Variants in DGKI observed in about 807,000 individuals in gnomAD.
The protein encoded by DGKI is DAG kinase iota.
A neutral mutation model predicts 147.5 loss-of-function variants in DGKI; 55 were observed. The observed-to-expected ratio is 0.37, with a 90% CI of 0.30 to 0.47. The LOEUF is 0.47. Among genes scored for constraint, DGKI ranks in the 20% least tolerant of loss-of-function variants. The pLI is 1.00. For synonymous variants in DGKI, 469 were observed against 477.1 expected, an observed-to-expected ratio of 0.98 and a Z score of 0.22; for missense variants, 1,007 against 1,323.8, an observed-to-expected ratio of 0.76 and a Z score of 3.71.
chr7:137,685,364 C>T (rs937295388), intron 2 of DGKI, among the ~76,000 whole-genome samples: 2 of 152,080 alleles, frequency 1.3e-5, no homozygotes, highest in Non-Finnish European at 2.9e-5. Context: ...TTGTTTTAGG[C>T]AGTGTAATGG....
chr7:137,609,146 C>CACCACCA, intron 9 of DGKI, 82 bp from the exon 10 acceptor site: 2 of 1,036,750 alleles, frequency 1.9e-6, no homozygotes, highest in African/African-American at 3.5e-5. Flanking sequence ...GGAAAACCAC[C>CACCACCA]CAATAATACA....
At chr7:137,472,559 G>C (rs1275703833) in intron 23 of DGKI, among the ~76,000 whole-genome samples, 3 of 148,700 alleles carry the variant, frequency 2.0e-5, no homozygotes, top group Non-Finnish European at 4.5e-5. Context: ...GTAAAATCTT[G>C]ACATGTGCTT....
At chr7:137,399,279 T>C (rs1369575562) in intron 30 of DGKI, among the ~76,000 whole-genome samples, 2 of 152,198 alleles carry the variant, frequency 1.3e-5, no homozygotes, top group East Asian at 3.9e-4. Flanking sequence ...CTATATTTGT[T>C]GAATATAAGA....
At position 137,572,765 on chromosome 7, in the gene DGKI, C is replaced by T; in HGVS notation, c.1835G>A (p.Arg612Lys). ...AGGAAACAATACAAACAGAGCCTAC[C>T]TGGGTATATTTAAAAATACTATACA... ...FQCIVFLNIP[R>K]YCAGTMPWGN... is the part of the protein sequence containing the mutation. The change falls in exon 18 of 33, where the codon AGA becomes AAA. Residue 612 changes from arginine (R) to lysine (K), a missense_variant and splice_region_variant. By Grantham distance (26) the Arg-to-Lys change is conservative (BLOSUM62 2). This residue lies in a region of DGKI where 224 missense variants were observed against 382.7 expected (regional missense o/e 0.59). Transcript: ENST00000614521. The T allele has an allele frequency of 1.3e-6, 2 of 1,599,850 alleles. No individual in the cohort carries two copies. Among genetic ancestry groups the T allele is most frequent in the Non-Finnish European group, 1.7e-6 (2 of 1,171,722 alleles).
chr7:137,803,603 G>A (rs941941718), intron 1 of DGKI, among the ~76,000 whole-genome samples: 10 of 152,068 alleles, frequency 6.6e-5, no homozygotes, highest in Non-Finnish European at 8.8e-5. Context: ...GACTGGACAC[G>A]GCCTTAACAT....
rs544064019 is a variant in DGKI, at chr7:137,498,706, T to TG, written c.2249-11018dup. On this transcript the variant is annotated intron_variant, in intron 21 of 32. Transcript: ENST00000614521. ...GTGCAAGAGTTGAATGAAGGACCCATGATCTGTCAAGAAGCTACTGGGTTA... is the reference window on the plus strand; with the variant it reads ...GTGCAAGAGTTGAATGAAGGACCCATGGATCTGTCAAGAAGCTACTGGGTTA... 5.3e-5 allele frequency among the ~76,000 whole-genome samples: 8 copies of TG among 152,284 alleles called. No homozygotes were observed. The East Asian group carries it at 9.7e-4, about 18-fold the overall frequency.
At position 137,609,058 on chromosome 7, in the gene DGKI, T is replaced by C; in HGVS notation, c.1075A>G (p.Asn359Asp). ...TTTATCACAAAAGGACGACCTTTGT[T>C]TTCCTGCTGAAAGAAGCAATCAGCA... ...KASKRGMEQE[N>D]KGRPFVIKPI... The change falls in exon 10 of 33, where the codon AAC (asparagine) becomes GAC (aspartate). Residue 359 changes from asparagine (N) to aspartate (D), a missense_variant. Physicochemically the swap from Asn to Asp is conservative, Grantham distance 23 (BLOSUM62 1). Around this residue, in one of 5 missense-constraint regions of DGKI, gnomAD observed 259 missense variants for 362.5 expected, o/e 0.71. Transcript: ENST00000614521. 3.1e-6 allele frequency: 5 copies of C among 1,612,962 alleles called. No individual in the cohort carries two copies. The highest frequency in any genetic ancestry group is 4.2e-6 in the Non-Finnish European group (5 of 1,179,082).
intron 1 of DGKI, chr7:137,722,248 G>T (rs1038592676): frequency 2.5e-5 from 40 of 1,604,708 alleles, no homozygotes; most frequent in South Asian, 3.3e-5. Flanking sequence ...GAAGGAGAAG[G>T]TTCTTGCAAC....
intron 20 of DGKI, among the ~76,000 whole-genome samples, chr7:137,537,202 A>G (rs1267532378): frequency 2.0e-5 from 3 of 152,188 alleles, no homozygotes; most frequent in African/African-American, 7.2e-5. Context: ...AGAGAGAGGA[A>G]GGAAGAAGAG....
rs1017716915 is a variant in DGKI, at chr7:137,707,106, G to T, written c.402-17104C>A. Among the ~76,000 whole-genome samples, 8 of 152,174 alleles carry T rather than the reference G, an allele frequency of 5.3e-5. No individual in the cohort carries two copies. In the South Asian group the frequency reaches 6.2e-4, roughly 12 times the overall value. ...TCCGCTGGTCAATCTTGTTCATTTT[G>T]ATCTTGTTCATTTCATTTTTCATTT... is the stretch of plus-strand genomic sequence containing the variant. On this transcript the variant is annotated intron_variant, in intron 1 of 32. Transcript: ENST00000614521.
At chr7:137,425,676 A>G (rs575182102) in intron 28 of DGKI, among the ~76,000 whole-genome samples, 2 of 152,376 alleles carry the variant, frequency 1.3e-5, no homozygotes, top group Non-Finnish European at 2.9e-5. Context: ...ATGTATAACT[A>G]GAATAACCAA....
chr7:137,646,582 T>C (rs909468653), intron 5 of DGKI, among the ~76,000 whole-genome samples: 2 of 152,162 alleles, frequency 1.3e-5, no homozygotes, highest in African/African-American at 4.8e-5. Context: ...CCCTAATAAC[T>C]TACAAACAAT....
intron 21 of DGKI, among the ~76,000 whole-genome samples, chr7:137,517,313 A>AAG (rs1364609770): frequency 7.3e-6 from 1 of 137,060 alleles, no homozygotes; most frequent in East Asian, 2.0e-4. Context: ...GAAAGAAAGA[A>AAG]AGAAAGAAAG....
At chr7:137,811,588 T>C (rs1199121871) in intron 1 of DGKI, among the ~76,000 whole-genome samples, 1 of 152,170 alleles carries the variant, frequency 6.6e-6, no homozygotes, top group Non-Finnish European at 1.5e-5. Flanking sequence ...TGAGAAACAC[T>C]AAAACGTAGT....
intron 27 of DGKI, among the ~76,000 whole-genome samples, chr7:137,445,007 A>T (rs915843089): frequency 2.0e-5 from 3 of 152,196 alleles, no homozygotes; most frequent in Admixed American, 2.0e-4. Context: ...TCTTCTCTGA[A>T]TGATTGGCTC....
At chr7:137,467,680 G>A (rs1438626761) in intron 24 of DGKI, among the ~76,000 whole-genome samples, 6 of 152,068 alleles carry the variant, frequency 3.9e-5, no homozygotes, top group Non-Finnish European at 5.9e-5. Flanking sequence ...ACAAATTTTG[G>A]GTTTCTAGAA....
At chr7:137,430,321 G>A (rs369278090) in intron 28 of DGKI, among the ~76,000 whole-genome samples, 37 of 150,168 alleles carry the variant, frequency 2.5e-4, no homozygotes, top group East Asian at 9.9e-4. Context: ...ACCAAACACC[G>A]CATGTTCTCA....
intron 21 of DGKI, among the ~76,000 whole-genome samples, chr7:137,487,891 C>A (rs563451320): frequency 7.9e-5 from 12 of 152,224 alleles, no homozygotes; most frequent in African/African-American, 2.9e-4. Flanking sequence ...CACACACTTT[C>A]CTAGCATGAT....
intron 28 of DGKI, among the ~76,000 whole-genome samples, chr7:137,430,523 G>A (rs949499943): frequency 2.0e-5 from 3 of 151,694 alleles, no homozygotes; most frequent in Non-Finnish European, 4.4e-5. Flanking sequence ...CCTGCACATT[G>A]TGCACATGTA....
Sources: gnomAD v4.1 joint callset for allele counts (sites outside exome capture counted in the v4.1 genomes callset) on GRCh38, gnomAD v4.1.1 for gene constraint, gnomAD v4.1.1 regional missense constraint, MANE v1.5 for transcripts, NCBI Gene and HGNC (gene_info 2026-07-23, HGNC 2026-07-21) for gene names.